Variants in MAF observed in about 807,000 individuals in gnomAD.
MAF encodes the protein MAF bZIP transcription factor.
Under a neutral mutation model 22.0 loss-of-function variants are expected in MAF, and 10 were observed. That is an observed-to-expected ratio of 0.45 (90% confidence interval 0.28 to 0.77). MAF has a LOEUF of 0.77. Among genes scored for constraint, MAF ranks in the 30% least tolerant of loss-of-function variants. The pLI is 0.12. For synonymous variants in MAF, 337 were observed against 255.8 expected (o/e 1.32, Z -3.03); for missense variants, 544 against 548.4 (o/e 0.99, Z 0.08).
At chr16:79,554,234 A>G in the MAF span, among the ~76,000 whole-genome samples, 1 of 152,210 alleles carries the variant, frequency 6.6e-6, no homozygotes, top group Non-Finnish European at 1.5e-5. Flanking sequence ...GAGATCCTCC[A>G]AACAGCCCAA....
chr16:79,362,980 C>A, the MAF span, among the ~76,000 whole-genome samples: 2 of 152,260 alleles, frequency 1.3e-5, no homozygotes, highest in South Asian at 2.1e-4. Context: ...ATCCTGTTAG[C>A]CTTGCATAAG....
the MAF span, among the ~76,000 whole-genome samples, chr16:79,236,959 A>AAC: frequency 1.2e-3 from 186 of 149,884 alleles, no homozygotes; most frequent in African/African-American, 4.1e-3. Flanking sequence ...AAAAAAAAAA[A>AAC]CTCAAATCCA....
At chr16:79,422,912 A>C in the MAF span, among the ~76,000 whole-genome samples, 1 of 152,186 alleles carries the variant, frequency 6.6e-6, no homozygotes, top group Admixed American at 6.5e-5. Context: ...TCAGTTAAGC[A>C]AATAAGATAA....
the MAF span, among the ~76,000 whole-genome samples, chr16:79,531,276 C>T: frequency 6.6e-6 from 1 of 152,062 alleles, no homozygotes. Flanking sequence ...AACCTCTATC[C>T]TCTGCATCTC....
At chr16:79,482,817 A>G in the MAF span, among the ~76,000 whole-genome samples, 1 of 146,600 alleles carries the variant, frequency 6.8e-6, no homozygotes, top group Non-Finnish European at 1.5e-5. Context: ...CAGACTCAGT[A>G]GGGCATACAT....
the MAF span, among the ~76,000 whole-genome samples, chr16:79,448,755 TA>T: frequency 0.1 from 14,893 of 146,488 alleles, 855 homozygotes; most frequent in Non-Finnish European, 0.14. Context: ...TATATACATT[TA>T]AAAAAAAAAA....
chr16:79,220,716 C>A, the MAF span, among the ~76,000 whole-genome samples: 206 of 152,230 alleles, frequency 1.4e-3, no homozygotes, highest in Non-Finnish European at 2.4e-3. Flanking sequence ...TGGGGTCAAA[C>A]AACATGAAAA....
the MAF span, among the ~76,000 whole-genome samples, chr16:79,534,455 C>A: frequency 8.5e-5 from 13 of 152,228 alleles, no homozygotes; most frequent in Admixed American, 7.8e-4. Flanking sequence ...AAGCTAAGCA[C>A]TCACATACAG....
At chr16:79,487,591 G>A in the MAF span, among the ~76,000 whole-genome samples, 9 of 152,280 alleles carry the variant, frequency 5.9e-5, no homozygotes, top group Non-Finnish European at 7.4e-5. Context: ...CCCGTTGTCC[G>A]TTTGGATCCA....
the MAF span, among the ~76,000 whole-genome samples, chr16:79,237,341 C>T: frequency 1.3e-5 from 2 of 152,056 alleles, no homozygotes; most frequent in African/African-American, 4.8e-5. Flanking sequence ...CACATTAAAG[C>T]CTCATGGCGT....
the MAF span, among the ~76,000 whole-genome samples, chr16:79,541,814 C>A: frequency 6.6e-6 from 1 of 151,892 alleles, no homozygotes; most frequent in Non-Finnish European, 1.5e-5. Context: ...CACCACCACG[C>A]CCAGCTAATT....
chr16:79,492,520 C>A, the MAF span, among the ~76,000 whole-genome samples: 1 of 152,050 alleles, frequency 6.6e-6, no homozygotes, highest in East Asian at 1.9e-4. Context: ...ATCCCCCATC[C>A]CAGGTCTAAA....
At chr16:79,484,886 G>A in the MAF span, among the ~76,000 whole-genome samples, 1 of 152,232 alleles carries the variant, frequency 6.6e-6, no homozygotes, top group South Asian at 2.1e-4. Flanking sequence ...CCTCCCAGCA[G>A]CATCAAGCAT....
chr16:79,254,728 T>C, the MAF span, among the ~76,000 whole-genome samples: 1 of 152,172 alleles, frequency 6.6e-6, no homozygotes, highest in Non-Finnish European at 1.5e-5. Flanking sequence ...CCACTCAGTT[T>C]GTCACCTTTA....
chr16:79,407,682 A>G, the MAF span, among the ~76,000 whole-genome samples: 1 of 152,094 alleles, frequency 6.6e-6, no homozygotes, highest in Non-Finnish European at 1.5e-5. Flanking sequence ...TTCATGTCAG[A>G]GATTTTTTTT....
the MAF span, among the ~76,000 whole-genome samples, chr16:79,319,144 G>A: frequency 6.6e-6 from 1 of 152,128 alleles, no homozygotes; most frequent in East Asian, 1.9e-4. Flanking sequence ...TCCAGGCAGA[G>A]AACTCTGGGC....
At chr16:79,502,715 ATATATATATATATATATATATAT>A in the MAF span, among the ~76,000 whole-genome samples, 3,850 of 41,208 alleles carry the variant, frequency 0.093, 244 homozygotes, top group Middle Eastern at 0.17. Context: ...ATAAATATAT[ATATATATATATATATATATATAT>A]ATATATATAT....
the MAF span, among the ~76,000 whole-genome samples, chr16:79,216,191 C>T: frequency 2.0e-5 from 3 of 151,174 alleles, no homozygotes; most frequent in Admixed American, 6.6e-5. Flanking sequence ...GTATATATGT[C>T]GTGCACATCT....
At chr16:79,430,049 C>T in the MAF span, among the ~76,000 whole-genome samples, 2 of 152,158 alleles carry the variant, frequency 1.3e-5, no homozygotes, top group Non-Finnish European at 2.9e-5. Context: ...GCTCTGGTTC[C>T]AGGCCAGGCA....
Sources: gnomAD v4.1 joint callset for allele counts (sites outside exome capture counted in the v4.1 genomes callset) on GRCh38, gnomAD v4.1.1 for gene constraint, MANE v1.5 for transcripts, NCBI Gene and HGNC (gene_info 2026-07-23, HGNC 2026-07-21) for gene names.